Variants in ATXN2L observed in about 807,000 individuals in gnomAD.
The protein encoded by ATXN2L is ataxin-2-like protein.
ATXN2L carries 24 observed loss-of-function variants against 120.7 expected under a neutral mutation model. That is an observed-to-expected ratio of 0.20 (90% CI 0.14 to 0.28). The LOEUF (loss-of-function observed/expected upper bound fraction) is 0.28. Among genes scored for constraint, ATXN2L ranks in the 10% least tolerant of loss-of-function variants. ATXN2L has a pLI of 1.00. For synonymous variants in ATXN2L, 653 were observed against 568.1 expected (o/e 1.15, Z -2.13); for missense variants, 1,312 against 1,432.3 (o/e 0.92, Z 1.36).
Position 28,826,361 on chromosome 16 carries a change from G to T in ATXN2L, c.587G>T (p.Arg196Leu), listed in dbSNP as rs750956235. 4.3e-6 allele frequency: 7 copies of T among 1,614,044 alleles called. No individual in the cohort carries two copies. Among genetic ancestry groups the T allele is most frequent in the Middle Eastern group, 1.6e-4 (1 of 6,078 alleles). The change falls in exon 5 of 22, where the codon CGA becomes CTA. Residue 196 changes from arginine to leucine, a missense_variant. Physicochemically the swap from Arg to Leu is moderately radical, Grantham distance 102. Transcript: ENST00000336783. The stretch of plus-strand genomic sequence containing the variant: ...AGTGATGTCATGCTTGTTCACTTCC[G>T]AAATGTTGACTTCAACTATGCTACT... Reference protein sequence around the residue: ...KPSDVMLVHFRNVDFNYATKD... With the variant: ...KPSDVMLVHFLNVDFNYATKD...
chr16:28,830,684 C>T lies in ATXN2L; in HGVS notation c.1104C>T (p.Ser368=), dbSNP rs141618489. ...EGPRGGVRCS[S]SRGGRPGLSS... ...CCCGGGGAGGAGTTCGATGCAGCAG[C>T]TCTCGGGGCGGTCGGCCTGGCCTTA... The change falls in exon 9 of 22, where the codon AGC becomes AGT. Residue 368 remains serine, a synonymous_variant. Coordinates refer to ENST00000336783, the MANE Select transcript of ATXN2L (RefSeq NM_007245.4). The T allele has an allele frequency of 1.9e-6, 3 of 1,613,722 alleles. No homozygotes were observed. Among genetic ancestry groups the T allele is most frequent in the African/African-American group, 2.7e-5 (2 of 74,892 alleles).
Position 28,836,771 on chromosome 16 carries a change from G to A in ATXN2L, c.*506G>A. 6.2e-7 allele frequency: 1 copy of A among 1,613,940 alleles called. No individual in the cohort carries two copies. The highest frequency in any genetic ancestry group is 8.5e-7 in the Non-Finnish European group (1 of 1,179,972). On this transcript the variant is annotated 3_prime_UTR_variant, in exon 22 of 22. Transcript: ENST00000336783. ...AGCAGCTCCCCTTCCACCCCCCGGGGAACTGAAGATTGTCCTGGCCGCGAC... is the reference window on the plus strand; with the variant it reads ...AGCAGCTCCCCTTCCACCCCCCGGGAAACTGAAGATTGTCCTGGCCGCGAC...
intron 15 of ATXN2L, 72 bp downstream of exon 15, chr16:28,833,580 G>T: frequency 6.9e-7 from 1 of 1,456,056 alleles, no homozygotes; most frequent in Non-Finnish European, 9.6e-7. Context: ...AGATGAATAG[G>T]GGGAGGAACA....
chr16:28,830,140 G>A (rs2053792993), intron 8 of ATXN2L, 82 bp downstream of exon 8: 1 of 1,358,760 alleles, frequency 7.4e-7, no homozygotes, highest in Non-Finnish European at 9.9e-7. Flanking sequence ...GAGTGCTGTG[G>A]TTTAAGCCTT....
At chr16:28,824,602 C>T (rs897172420) in intron 1 of ATXN2L, 3 of 1,242,836 alleles carry the variant, frequency 2.4e-6, no homozygotes, top group Admixed American at 5.2e-5. Context: ...GGGGATACCC[C>T]TCCTCCCACA....
At position 28,829,505 on chromosome 16, in the gene ATXN2L, G is replaced by T. The variant is rs182871338; in HGVS notation, c.833+13G>T. On this transcript the variant is annotated intron_variant, in intron 7 of 21. Transcript: ENST00000336783. ...TTTCTTCTTATACGTGAGTATCTTG[G>T]TGCTCTCCAGGTGATGTGTTGGTGA... 5.2e-6 allele frequency: 8 copies of T among 1,546,438 alleles called. No homozygotes were observed. The highest frequency in any genetic ancestry group is 7.2e-6 in the Non-Finnish European group (8 of 1,118,644).
Position 28,833,786 on chromosome 16 carries a change from A to T in ATXN2L, c.2025+278A>T, listed in dbSNP as rs1224354780. The T allele has an allele frequency of 3.6e-5, 22 of 606,762 alleles. No individual in the cohort carries two copies. The East Asian group carries it at 6.1e-4, about 17-fold the overall frequency. The allele number at this position is 606,762 out of a possible 1,614,324, so 37.6% of individuals were successfully genotyped here. ...TTGGTTCTTGGCATTTGGCTGAGGG[A>T]GTATTGGAGTGGGGTAGTCATGAAC... On this transcript the variant is annotated intron_variant, in intron 15 of 21. Transcript: ENST00000336783.
rs2152084542 is a variant in ATXN2L, at chr16:28,833,317, A to T, written c.1918A>T (p.Ile640Phe). 4.3e-6 allele frequency: 7 copies of T among 1,613,914 alleles called. No homozygotes were observed. The East Asian group carries it at 1.6e-4, about 36-fold the overall frequency. The change falls in exon 14 of 22, where the codon ATC (isoleucine) becomes TTC (phenylalanine). Residue 640 changes from isoleucine (I) to phenylalanine (F), a missense_variant. Physicochemically the swap from Ile to Phe is conservative, Grantham distance 21. Coordinates refer to ENST00000336783, the MANE Select transcript of ATXN2L (RefSeq NM_007245.4). ...AACTGGCAGCCCCCCGGTGGGCCTC[A>T]TCAAGGGAGAAGACAAAGATGAGGG... The part of the protein sequence containing the change: ...SQTGSPPVGL[I>F]KGEDKDEGPV...
chr16:28,834,893 C>A, intron 18 of ATXN2L, 165 bp from the exon 19 acceptor site: 1 of 1,177,410 alleles, frequency 8.5e-7, no homozygotes, highest in Non-Finnish European at 1.2e-6. Flanking sequence ...ATCTGTATCT[C>A]TGAAGTGTAG....
At chr16:28,827,259 C>T (rs1204482048) in intron 6 of ATXN2L, among the ~76,000 whole-genome samples, 3 of 151,966 alleles carry the variant, frequency 2.0e-5, no homozygotes, top group African/African-American at 7.3e-5. Flanking sequence ...CATGGTGAAA[C>T]CCTGTCTCAA....
At chr16:28,824,372 A>T in intron 1 of ATXN2L, 1 of 1,236,268 alleles carries the variant, frequency 8.1e-7, no homozygotes, top group Non-Finnish European at 1.0e-6. Flanking sequence ...GGGTTCGGAA[A>T]GTCCCGTGGG....
intron 8 of ATXN2L, 38 bp downstream of exon 8, chr16:28,830,096 T>G: frequency 6.3e-7 from 1 of 1,575,650 alleles, no homozygotes. Flanking sequence ...TTGGGGCTTC[T>G]GGGAATATCC....
chr16:28,824,622 C>T (rs1006521925), intron 1 of ATXN2L: 11 of 1,199,734 alleles, frequency 9.2e-6, no homozygotes, highest in Non-Finnish European at 1.2e-5. Context: ...AGTTTTGAGG[C>T]GTCAGGCTGC....
chr16:28,826,006 G>A, intron 4 of ATXN2L, 165 bp downstream of exon 4: 1 of 837,850 alleles, frequency 1.2e-6, no homozygotes, highest in Non-Finnish European at 1.8e-6. Flanking sequence ...TTGAGGGCTG[G>A]GTACTTTAAT....
intron 8 of ATXN2L, 96 bp from the exon 9 acceptor site, chr16:28,830,519 G>C: frequency 8.2e-7 from 1 of 1,213,362 alleles, no homozygotes; most frequent in East Asian, 2.4e-5. Context: ...TGTATGTTTG[G>C]GGGCAGAAGG....
At position 28,826,944 on chromosome 16, in the gene ATXN2L, G is replaced by C. The variant is rs201205942; in HGVS notation, c.699G>C (p.Gly233=). 13 of 1,585,400 alleles carry C rather than the reference G, an allele frequency of 8.2e-6. No homozygotes were observed. The highest frequency in any genetic ancestry group is 1.3e-5 in the African/African-American group (1 of 74,166). The change falls in exon 6 of 22, where the codon GGG becomes GGC. Residue 233 remains glycine (G), a synonymous_variant. Coordinates refer to ENST00000336783, the MANE Select transcript of ATXN2L (RefSeq NM_007245.4). ...HKEKVLQRWE[G]GDSNSDDYDL... is the part of the protein sequence containing the mutation. ...AGAAGGTGCTTCAGCGCTGGGAGGG[G>C]GGTGACAGCAACAGCGACGACTATG...
Position 28,825,783 on chromosome 16 carries a change from A to T in ATXN2L, c.407A>T (p.Asp136Val). Residue 136 changes from aspartate (D) to valine (V), a missense_variant, in exon 4 of 22, where the codon GAT becomes GTT. Transcript: ENST00000336783. ...CCACTCTGCCAGGGCTCCACTTGTGATGTAAAGGTGAAAAATGGTACCACT... is the reference window on the plus strand; with the variant it reads ...CCACTCTGCCAGGGCTCCACTTGTGTTGTAAAGGTGAAAAATGGTACCACT... ...FLTAVVGSTCDVKVKNGTTYE... is the reference protein window; with the variant it reads ...FLTAVVGSTCVVKVKNGTTYE... 1 of 1,614,038 alleles carries T rather than the reference A, an allele frequency of 6.2e-7. No homozygotes were observed. Among genetic ancestry groups the T allele is most frequent in the Non-Finnish European group, 8.5e-7 (1 of 1,179,960 alleles).
chr16:28,828,486 T>G (rs1310772812), intron 6 of ATXN2L, among the ~76,000 whole-genome samples: 1 of 151,678 alleles, frequency 6.6e-6, no homozygotes, highest in East Asian at 1.9e-4. Flanking sequence ...CTCGTGAGGT[T>G]GAGGCAGGAG....
chr16:28,832,759 T>C (rs2054991434), intron 12 of ATXN2L, 58 bp from the exon 13 acceptor site: 2 of 1,568,534 alleles, frequency 1.3e-6, no homozygotes, highest in Middle Eastern at 3.4e-4. Flanking sequence ...TGGCACTGTG[T>C]AGCCACCTTA....
Sources: gnomAD v4.1 joint callset for allele counts (sites outside exome capture counted in the v4.1 genomes callset) on GRCh38, gnomAD v4.1.1 for gene constraint, MANE v1.5 for transcripts, NCBI Gene and HGNC (gene_info 2026-07-23, HGNC 2026-07-21) for gene names.